AOPEP: variants seen among roughly 807,000 people sequenced by gnomAD.
The protein encoded by AOPEP is aminopeptidase O.
In AOPEP, 77 loss-of-function variants were observed where a neutral mutation model predicts 98.1. The observed-to-expected ratio is 0.78, with a 90% confidence interval of 0.65 to 0.95. The LOEUF (loss-of-function observed/expected upper bound fraction) is 0.95, where lower values mean the gene tolerates loss of function less well. Ranked by LOEUF, AOPEP falls within the 40% of genes least tolerant of loss-of-function variation. AOPEP has a pLI of 0.00. For synonymous variants in AOPEP, 346 were observed against 365.3 expected (o/e 0.95, Z 0.60); for missense variants, 1,024 against 1,024.7 (o/e 1.00, Z 0.01).
intron 2 of AOPEP, among the ~76,000 whole-genome samples, chr9:94,765,443 A>AATAATAAT (rs1839357666): frequency 7.2e-6 from 1 of 138,100 alleles, no homozygotes; most frequent in Admixed American, 7.2e-5. Flanking sequence ...CTACAAAAAT[A>AATAATAAT]ATAATAATAA....
chr9:94,964,607 T>A (rs921130004), intron 9 of AOPEP, among the ~76,000 whole-genome samples: 5 of 150,402 alleles, frequency 3.3e-5, no homozygotes, highest in African/African-American at 1.2e-4. Flanking sequence ...GTAAACTTAG[T>A]AAAAAGTTAT....
chr9:94,807,841 A>T (rs1849570731), intron 5 of AOPEP, among the ~76,000 whole-genome samples: 3 of 152,204 alleles, frequency 2.0e-5, no homozygotes. Context: ...CTTTTAGGGA[A>T]AACACCAACT....
At chr9:94,784,855 G>C (rs959418601) in intron 3 of AOPEP, among the ~76,000 whole-genome samples, 1 of 152,234 alleles carries the variant, frequency 6.6e-6, no homozygotes, top group African/African-American at 2.4e-5. Flanking sequence ...GACCTCAGGT[G>C]ATCCTCTCGC....
chr9:94,878,567 T>C (rs1042291760), intron 5 of AOPEP, among the ~76,000 whole-genome samples: 8 of 152,188 alleles, frequency 5.3e-5, no homozygotes, highest in Admixed American at 6.5e-5. Context: ...ATTAAAACCT[T>C]GCGTTATTTA....
At chr9:95,011,211 A>ATTTTT (rs71366270) in intron 13 of AOPEP, among the ~76,000 whole-genome samples, 2 of 112,796 alleles carry the variant, frequency 1.8e-5, no homozygotes, top group African/African-American at 3.3e-5. Context: ...CTAGCCATTG[A>ATTTTT]TTTTTTTTTT....
chr9:94,918,030 C>G (rs779593268), intron 5 of AOPEP, among the ~76,000 whole-genome samples: 1 of 152,124 alleles, frequency 6.6e-6, no homozygotes, highest in Non-Finnish European at 1.5e-5. Flanking sequence ...TCCTGTAGCT[C>G]TTTGAGTTTG....
At position 95,046,147 on chromosome 9, in the gene AOPEP, C is replaced by T. The variant is rs117414058; in HGVS notation, c.2116-14547C>T. Among the ~76,000 whole-genome samples the T allele has an allele frequency of 2.8e-3, 434 of 152,304 alleles. 1 individual carries two copies. The Middle Eastern group carries it at 0.031, about 11-fold the overall frequency. ...TAAAAATGGCGTGAACAAATAGTGTCGGAATCATTTGATAAGTTAAATCTG... is the reference window on the plus strand; with the variant it reads ...TAAAAATGGCGTGAACAAATAGTGTTGGAATCATTTGATAAGTTAAATCTG... On this transcript the variant is annotated intron_variant, in intron 13 of 16. Transcript: ENST00000375315.
intron 1 of AOPEP, among the ~76,000 whole-genome samples, chr9:94,754,783 G>A (rs1279279800): frequency 1.3e-5 from 2 of 152,230 alleles, no homozygotes. Context: ...GCCAGGATAA[G>A]TTAGAATCGT....
At chr9:94,751,610 GCTT>G (rs1486602814) in intron 1 of AOPEP, among the ~76,000 whole-genome samples, 1 of 151,990 alleles carries the variant, frequency 6.6e-6, no homozygotes, top group Non-Finnish European at 1.5e-5. Flanking sequence ...ATGTATCTGG[GCTT>G]CTTTTCTTTG....
intron 13 of AOPEP, among the ~76,000 whole-genome samples, chr9:95,058,545 G>A (rs958313231): frequency 6.6e-6 from 1 of 152,192 alleles, no homozygotes. Flanking sequence ...CCTTTGTCTG[G>A]AGGGGCCTTG....
chr9:94,917,465 G>T (rs1373764850), intron 5 of AOPEP, among the ~76,000 whole-genome samples: 1 of 152,168 alleles, frequency 6.6e-6, no homozygotes, highest in Non-Finnish European at 1.5e-5. Flanking sequence ...TCTGTGCTGT[G>T]TTTTGGAGCC....
intron 7 of AOPEP, among the ~76,000 whole-genome samples, chr9:94,951,066 C>A (rs1238039788): frequency 2.0e-5 from 3 of 152,236 alleles, no homozygotes; most frequent in Admixed American, 6.5e-5. Flanking sequence ...GCACGTCAAT[C>A]TCAGTTGTTG....
chr9:94,775,204 CTG>C (rs1468903852), intron 3 of AOPEP, among the ~76,000 whole-genome samples: 5 of 151,636 alleles, frequency 3.3e-5, no homozygotes, highest in Non-Finnish European at 7.4e-5. Context: ...TTTAATCAGT[CTG>C]TAATTTATTC....
At chr9:94,819,535 A>G (rs1588382764) in intron 5 of AOPEP, among the ~76,000 whole-genome samples, 1 of 152,220 alleles carries the variant, frequency 6.6e-6, no homozygotes, top group East Asian at 1.9e-4. Flanking sequence ...ATAATCTTGT[A>G]GGCCAGAATG....
At chr9:94,993,630 C>G (rs912327827) in intron 11 of AOPEP, among the ~76,000 whole-genome samples, 2 of 152,136 alleles carry the variant, frequency 1.3e-5, no homozygotes, top group African/African-American at 4.8e-5. Flanking sequence ...GTGCTACATG[C>G]TAAAAATATT....
intron 16 of AOPEP, among the ~76,000 whole-genome samples, chr9:95,084,819 G>A (rs2070405568): frequency 6.6e-6 from 1 of 151,636 alleles, no homozygotes; most frequent in Non-Finnish European, 1.5e-5. Flanking sequence ...GGCCGGGATT[G>A]TCCCAGGGCC....
At chr9:94,959,383 A>G (rs1395596304) in intron 9 of AOPEP, among the ~76,000 whole-genome samples, 1 of 151,908 alleles carries the variant, frequency 6.6e-6, no homozygotes, top group Non-Finnish European at 1.5e-5. Flanking sequence ...TTTTTTTTGC[A>G]TGTGAATATC....
At chr9:95,019,848 A>G (rs2063315826) in intron 13 of AOPEP, 1 of 152,216 alleles carries the variant, frequency 6.6e-6, no homozygotes, top group Non-Finnish European at 1.5e-5. Flanking sequence ...AAATAACCGG[A>G]AGATTATAAC....
intron 1 of AOPEP, among the ~76,000 whole-genome samples, chr9:94,755,298 C>T (rs904701566): frequency 6.6e-6 from 1 of 152,142 alleles, no homozygotes; most frequent in Non-Finnish European, 1.5e-5. Context: ...ATATGGTTTC[C>T]ATTTGCTGAG....
Sources: gnomAD v4.1 joint callset for allele counts (sites outside exome capture counted in the v4.1 genomes callset) on GRCh38, gnomAD v4.1.1 for gene constraint, MANE v1.5 for transcripts, NCBI Gene and HGNC (gene_info 2026-07-23, HGNC 2026-07-21) for gene names.